The following WIPI2 variants were observed in gnomAD, a reference collection of about 807,000 sequenced individuals.
The protein encoded by WIPI2 is WD repeat domain phosphoinositide-interacting protein 2.
Under a neutral mutation model 52.3 loss-of-function variants are expected in WIPI2, and 28 were observed. The observed-to-expected ratio is 0.54, with a 90% confidence interval of 0.40 to 0.73. WIPI2 has a LOEUF of 0.73. Among genes scored for constraint, WIPI2 ranks in the 30% least tolerant of loss-of-function variants. The probability of loss-of-function intolerance (pLI) is 0.00; values close to 1 mark genes in which losing one functional copy is unlikely to be tolerated. For missense variants in WIPI2, 506 were observed against 602.9 expected, an observed-to-expected ratio of 0.84 and a Z score of 1.68; for synonymous variants, 268 against 245.0, an observed-to-expected ratio of 1.09 and a Z score of -0.88.
chr7:5,227,079 CTT>C lies in WIPI2; in HGVS notation c.849-98_849-97del, dbSNP rs1249675956. Reference sequence around the variant, plus strand: ...TTAATTTTCCTGTGAAGAATGGAGACTTTTGCTGTCGGCTCCAGAGCTGTGCG... The same window carrying C: ...TTAATTTTCCTGTGAAGAATGGAGACTTGCTGTCGGCTCCAGAGCTGTGCG... On this transcript the variant is annotated intron_variant, in intron 9 of 12. Transcript: ENST00000288828. The surrounding 1 kb of genome is among the most constrained non-coding windows in gnomAD (Gnocchi z 8.1). 63 of 1,486,322 alleles carry C rather than the reference CTT, an allele frequency of 4.2e-5. No homozygotes were observed. Among genetic ancestry groups the C allele is most frequent in the Middle Eastern group, 1.9e-4 (1 of 5,142 alleles). The allele number at this position is 1,486,322 out of a possible 1,614,324, so 92.1% of individuals were successfully genotyped here.
chr7:5,190,538 G>C (rs755105151), intron 1 of WIPI2, 45 bp downstream of exon 1: 2 of 1,435,794 alleles, frequency 1.4e-6, no homozygotes, highest in South Asian at 2.8e-5. Flanking sequence ...GGCCAGGGTC[G>C]GACCCGGGCT....
intron 10 of WIPI2, 86 bp from the exon 11 acceptor site, chr7:5,228,018 C>T (rs558129025): frequency 7.6e-7 from 1 of 1,323,830 alleles, no homozygotes. Context: ...GGTCTCTTTC[C>T]TCGCCTGCCA....
chr7:5,198,486 G>C (rs1284389151), intron 2 of WIPI2, among the ~76,000 whole-genome samples: 2 of 152,012 alleles, frequency 1.3e-5, no homozygotes, highest in African/African-American at 4.8e-5. Flanking sequence ...ACTGATTTTT[G>C]TATTTTTAGT....
At chr7:5,213,887 A>G (rs1362445393) in intron 3 of WIPI2, among the ~76,000 whole-genome samples, 1 of 152,098 alleles carries the variant, frequency 6.6e-6, no homozygotes, top group Admixed American at 6.6e-5. Flanking sequence ...GGGTTTCACC[A>G]TGTTAGCCAG....
intron 3 of WIPI2, among the ~76,000 whole-genome samples, chr7:5,205,453 G>A (rs1782247591): frequency 6.6e-6 from 1 of 152,172 alleles, no homozygotes; most frequent in Non-Finnish European, 1.5e-5. Context: ...TGGTTTCAGC[G>A]ACGTTAGAGA....
intron 2 of WIPI2, among the ~76,000 whole-genome samples, chr7:5,194,663 T>G (rs946330217): frequency 7.2e-5 from 11 of 152,198 alleles, no homozygotes; most frequent in Non-Finnish European, 1.2e-4. Flanking sequence ...TTTGTAGAGA[T>G]GGGGTTTCAC....
intron 2 of WIPI2, among the ~76,000 whole-genome samples, chr7:5,195,860 G>A (rs1237422115): frequency 2.0e-5 from 3 of 152,000 alleles, no homozygotes; most frequent in African/African-American, 7.3e-5. Flanking sequence ...CCAAGATGGT[G>A]AAACTCCATC....
chr7:5,222,512 C>T lies in WIPI2; in HGVS notation c.670-90C>T, dbSNP rs1583584650. 5 of 1,330,592 alleles carry T rather than the reference C, an allele frequency of 3.8e-6. No homozygotes were observed. The East Asian group carries it at 7.0e-5, about 19-fold the overall frequency. The allele number at this position is 1,330,592 out of a possible 1,614,324, so 82.4% of individuals were successfully genotyped here. ...CAGGGCAGAGCTGTCCTGGAGATAG[C>T]CGTGTGGCGCATTTGCAGTCTGCTG... On this transcript the variant is annotated intron_variant, in intron 7 of 12. Transcript: ENST00000288828.
intron 7 of WIPI2, among the ~76,000 whole-genome samples, chr7:5,220,854 C>T (rs867763623): frequency 7.2e-5 from 11 of 151,900 alleles, no homozygotes; most frequent in East Asian, 1.9e-4. Flanking sequence ...AGTGCAATGG[C>T]GCGATCTCAG....
intron 2 of WIPI2, among the ~76,000 whole-genome samples, chr7:5,198,231 A>G (rs531881141): frequency 6.6e-6 from 1 of 152,278 alleles, no homozygotes; most frequent in African/African-American, 2.4e-5. Context: ...CACGGGTAGT[A>G]AAGGCCTGCA....
At chr7:5,204,543 A>G (rs1286017853) in intron 3 of WIPI2, among the ~76,000 whole-genome samples, 1 of 152,220 alleles carries the variant, frequency 6.6e-6, no homozygotes, top group African/African-American at 2.4e-5. Context: ...AAAAATGGCA[A>G]CAAACCTAAA....
intron 11 of WIPI2, among the ~76,000 whole-genome samples, 188 bp downstream of exon 11, chr7:5,228,399 G>A (rs2115321831): frequency 6.6e-6 from 1 of 152,344 alleles, no homozygotes; most frequent in South Asian, 2.1e-4. Flanking sequence ...CCGCAAGACA[G>A]GGAGCCCCGG....
At chr7:5,223,076 C>T (rs1243280554) in intron 8 of WIPI2, among the ~76,000 whole-genome samples, 1 of 152,210 alleles carries the variant, frequency 6.6e-6, no homozygotes, top group African/African-American at 2.4e-5. Context: ...ATGGCATTGG[C>T]CCCTTCTTTT....
chr7:5,213,891 T>A (rs1017250378), intron 3 of WIPI2, among the ~76,000 whole-genome samples: 38 of 152,174 alleles, frequency 2.5e-4, no homozygotes, highest in Admixed American at 9.8e-4. Context: ...TTCACCATGT[T>A]AGCCAGGATG....
At position 5,218,033 on chromosome 7, in the gene WIPI2, G is replaced by A. The variant is rs527687949; in HGVS notation, c.669+19G>A. The A allele has an allele frequency of 2.0e-5, 33 of 1,613,060 alleles. No individual in the cohort carries two copies. The highest frequency in any genetic ancestry group is 1.6e-4 in the Middle Eastern group (1 of 6,062). ...GGAGAAGGTGAGTCTGCTTTTCCCC[G>A]GGGGAGCACTGGTGCCAAGGCGTCC... On this transcript the variant is annotated intron_variant, in intron 7 of 12. Coordinates refer to ENST00000288828, the MANE Select transcript of WIPI2 (RefSeq NM_015610.4).
chr7:5,215,862 C>G (rs930391612), intron 4 of WIPI2, among the ~76,000 whole-genome samples: 2 of 152,208 alleles, frequency 1.3e-5, no homozygotes, highest in Non-Finnish European at 2.9e-5. Context: ...CCAAATGGAG[C>G]AGGAACTTGC....
chr7:5,227,301 C>A lies in WIPI2; in HGVS notation c.970C>A (p.Arg324Ser). 6.2e-7 allele frequency: 1 copy of A among 1,613,438 alleles called. No homozygotes were observed. Among genetic ancestry groups the A allele is most frequent in the Non-Finnish European group, 8.5e-7 (1 of 1,180,034 alleles). The change falls in exon 10 of 13, where the codon CGC (arginine) becomes AGC (serine). Residue 324 changes from arginine to serine, a missense_variant. Physicochemically the swap from Arg to Ser is moderately radical, Grantham distance 110. Coordinates refer to ENST00000288828, the MANE Select transcript of WIPI2 (RefSeq NM_015610.4). This position sits in a 1 kb window ranked among gnomAD's most constrained non-coding sequence, Gnocchi z 8.1. ...FNQGRAFATV[R>S]LPFCGHKNIC... is the part of the protein sequence containing the mutation. ...CCAGGGCAGAGCCTTCGCCACGGTC[C>A]GCCTGCCATTCTGCGGCCACAAAAA... is the stretch of plus-strand genomic sequence containing the variant.
intron 3 of WIPI2, chr7:5,214,098 A>T (rs537866365): frequency 6.8e-6 from 2 of 293,870 alleles, no homozygotes. Flanking sequence ...TTCTTTGGCC[A>T]GCCTCAGTAT....
At chr7:5,207,454 T>C (rs1040024957) in intron 3 of WIPI2, among the ~76,000 whole-genome samples, 1 of 152,244 alleles carries the variant, frequency 6.6e-6, no homozygotes, top group African/African-American at 2.4e-5. Context: ...TCTGCATTTT[T>C]TTTAGATTTA....
Sources: allele counts gnomAD v4.1 joint callset (sites outside exome capture counted in the v4.1 genomes callset), GRCh38; gene constraint gnomAD v4.1.1; non-coding constraint Gnocchi (gnomAD v3.1); transcripts MANE v1.5; gene names NCBI Gene and HGNC (gene_info 2026-07-23, HGNC 2026-07-21).